Variants in TMPRSS4 observed in about 807,000 individuals in gnomAD.
TMPRSS4 encodes the protein transmembrane serine protease 4.
A neutral mutation model predicts 56.4 loss-of-function variants in TMPRSS4; 45 were observed. The ratio of observed to expected loss-of-function variants is 0.80; its 90% CI spans 0.63 to 1.02. TMPRSS4 has a LOEUF of 1.02. Among genes scored for constraint, TMPRSS4 ranks in the 50% least tolerant of loss-of-function variants. The probability of loss-of-function intolerance (pLI) is 0.00; values close to 1 mark genes in which losing one functional copy is unlikely to be tolerated. For missense variants in TMPRSS4, 546 were observed against 556.7 expected (o/e 0.98, Z 0.19); for synonymous variants, 205 against 211.0 (o/e 0.97, Z 0.25).
chr11:118,087,484 A>G (rs1356927518), intron 1 of TMPRSS4: 1 of 152,200 alleles, frequency 6.6e-6, no homozygotes, highest in Non-Finnish European at 1.5e-5. Flanking sequence ...GCAGTTCCCA[A>G]TTACCCAAAG....
intron 3 of TMPRSS4, among the ~76,000 whole-genome samples, chr11:118,102,473 C>T (rs917134885): frequency 2.0e-5 from 3 of 152,002 alleles, no homozygotes; most frequent in African/African-American, 4.8e-5. Context: ...TTTGGGAGGC[C>T]GAGGCGGGTG....
intron 7 of TMPRSS4, among the ~76,000 whole-genome samples, 199 bp downstream of exon 7, chr11:118,109,095 A>G (rs935684830): frequency 2.6e-5 from 4 of 152,164 alleles, no homozygotes; most frequent in Admixed American, 6.5e-5. Context: ...GGTCTTTCCA[A>G]GCCCCAGTTT....
chr11:118,120,922 C>T lies in TMPRSS4; in HGVS notation c.*3009C>T, dbSNP rs1347925407. Reference sequence around the variant, plus strand: ...CCAAGGTGGAAAAATTAGAATAAATCCACACCTATGTACATTATAATGAAA... The same window carrying T: ...CCAAGGTGGAAAAATTAGAATAAATTCACACCTATGTACATTATAATGAAA... On this transcript the variant is annotated 3_prime_UTR_variant, in exon 13 of 13. Coordinates refer to ENST00000437212, the MANE Select transcript of TMPRSS4 (RefSeq NM_019894.4). The T allele has an allele frequency of 6.6e-6, 1 of 152,156 alleles. No individual in the cohort carries two copies. Among genetic ancestry groups the T allele is most frequent in the Non-Finnish European group, 1.5e-5 (1 of 68,040 alleles). The allele number at this position is 152,156 out of a possible 1,614,324, so 9.4% of individuals were successfully genotyped here.
Position 118,119,875 on chromosome 11 carries a change from A to G in TMPRSS4, c.*1962A>G, listed in dbSNP as rs1947733163. ...TTAACTGTGGTCAAATGCACATAAC[A>G]CAAGTTGCCATCTTCACCATTTTTA... On this transcript the variant is annotated 3_prime_UTR_variant, in exon 13 of 13. Transcript: ENST00000437212. 1 of 152,260 alleles carries G rather than the reference A, an allele frequency of 6.6e-6. No individual in the cohort carries two copies. The highest frequency in any genetic ancestry group is 2.4e-5 in the African/African-American group (1 of 41,468). The allele number at this position is 152,260 out of a possible 1,614,324, so 9.4% of individuals were successfully genotyped here. A position where few individuals can be genotyped will look rare whatever the true frequency, so the allele number is the denominator to read the frequency against.
At chr11:118,102,436 G>C (rs117645554) in intron 3 of TMPRSS4, among the ~76,000 whole-genome samples, 1 of 152,204 alleles carries the variant, frequency 6.6e-6, no homozygotes, top group Non-Finnish European at 1.5e-5. Flanking sequence ...GGCCGAGTGC[G>C]GTGGCTCACG....
At chr11:118,089,344 G>T (rs1031755196) in intron 1 of TMPRSS4, among the ~76,000 whole-genome samples, 1 of 152,198 alleles carries the variant, frequency 6.6e-6, no homozygotes, top group Non-Finnish European at 1.5e-5. Context: ...GCAGAGCATG[G>T]TGAGGACATG....
intron 1 of TMPRSS4, among the ~76,000 whole-genome samples, chr11:118,086,441 G>T (rs1189092368): frequency 1.3e-5 from 2 of 152,264 alleles, no homozygotes; most frequent in African/African-American, 4.8e-5. Context: ...CAAGGCTGAG[G>T]TTAGACCCAA....
At chr11:118,108,518 A>T (rs1947112503) in intron 6 of TMPRSS4, 2 of 297,296 alleles carry the variant, frequency 6.7e-6, no homozygotes, top group Non-Finnish European at 1.2e-5. Context: ...TCAAAATCCC[A>T]TTCTTCCATT....
At chr11:118,087,069 A>G (rs541198345) in intron 1 of TMPRSS4, among the ~76,000 whole-genome samples, 68 of 152,176 alleles carry the variant, frequency 4.5e-4, no homozygotes, top group African/African-American at 1.5e-3. Context: ...CCAAGCCTCA[A>G]AGGACCTGTT....
rs752975925 is a variant in TMPRSS4 at position 118,094,854 on chromosome 11, C to T, written c.42C>T (p.Leu14=). ...DPDSDQPLNS[L]DVKPLRKPRI... ...ACAGTGATCAACCTCTGAACAGCCTCGGTAAGTTCAGGTCCGGCTTTCATT... is the reference window on the plus strand; with the variant it reads ...ACAGTGATCAACCTCTGAACAGCCTTGGTAAGTTCAGGTCCGGCTTTCATT... Residue 14 remains leucine, a splice_region_variant and synonymous_variant, in exon 2 of 13, where the codon CTC becomes CTT. Coordinates refer to ENST00000437212, the MANE Select transcript of TMPRSS4 (RefSeq NM_019894.4). The T allele has an allele frequency of 6.8e-6, 11 of 1,612,204 alleles. No homozygotes were observed. Among genetic ancestry groups the T allele is most frequent in the African/African-American group, 4.0e-5 (3 of 74,910 alleles).
At chr11:118,105,749 AACAG>A (rs1459769491) in intron 5 of TMPRSS4, 3 of 152,076 alleles carry the variant, frequency 2.0e-5, no homozygotes, top group Non-Finnish European at 2.9e-5. Context: ...TCAGGATTCT[AACAG>A]ACTGGACCCA....
In TMPRSS4 at chr11:118,118,001, T is replaced by G; in HGVS notation, c.*88T>G. 6.2e-7 allele frequency: 1 copy of G among 1,607,864 alleles called. No homozygotes were observed. Among genetic ancestry groups the G allele is most frequent in the Non-Finnish European group, 8.5e-7 (1 of 1,178,960 alleles). On this transcript the variant is annotated 3_prime_UTR_variant, in exon 13 of 13. Coordinates refer to ENST00000437212, the MANE Select transcript of TMPRSS4 (RefSeq NM_019894.4). The stretch of plus-strand genomic sequence containing the variant: ...CCCAAAGTCAGACACAGAGCAAGAG[T>G]CCCCTTGGGTACACCCCTCTGCCCA...
At chr11:118,102,121 G>A (rs1012336590) in intron 3 of TMPRSS4, among the ~76,000 whole-genome samples, 1 of 152,026 alleles carries the variant, frequency 6.6e-6, no homozygotes, top group Non-Finnish European at 1.5e-5. Flanking sequence ...ATAAAGCCCA[G>A]CAACCATTAG....
At chr11:118,083,100 C>T (rs1945281867) in intron 1 of TMPRSS4, among the ~76,000 whole-genome samples, 2 of 152,284 alleles carry the variant, frequency 1.3e-5, no homozygotes, top group Middle Eastern at 3.4e-3. Context: ...CAGGGGTGCT[C>T]AGAGCCCTTA....
intron 1 of TMPRSS4, among the ~76,000 whole-genome samples, chr11:118,083,632 T>C (rs1420552164): frequency 6.6e-6 from 1 of 152,200 alleles, no homozygotes; most frequent in Non-Finnish European, 1.5e-5. Flanking sequence ...CTAATAAAAA[T>C]AATAGAATAT....
chr11:118,104,912 T>A (rs11216756), intron 5 of TMPRSS4, 92 bp downstream of exon 5: 25,283 of 1,363,974 alleles, frequency 0.019, 1,358 homozygotes, highest in African/African-American at 0.16. Context: ...TTCCTAAAAA[T>A]TACGGGCATT....
At chr11:118,079,166 C>G (rs1359050974) in intron 1 of TMPRSS4, among the ~76,000 whole-genome samples, 1 of 152,116 alleles carries the variant, frequency 6.6e-6, no homozygotes, top group Non-Finnish European at 1.5e-5. Context: ...AAGTTTCTAG[C>G]CCCGGAGCTA....
intron 3 of TMPRSS4, among the ~76,000 whole-genome samples, chr11:118,101,931 C>T (rs1946739969): frequency 6.6e-6 from 1 of 152,166 alleles, no homozygotes; most frequent in African/African-American, 2.4e-5. Flanking sequence ...AGGACCAACC[C>T]CTTCACAGAT....
At chr11:118,090,821 A>AAAC (rs1945895008) in intron 1 of TMPRSS4, among the ~76,000 whole-genome samples, 12 of 140,428 alleles carry the variant, frequency 8.5e-5, no homozygotes, top group Middle Eastern at 3.5e-3. Flanking sequence ...CACACACACA[A>AAAC]ACACACACAC....
Sources: allele counts gnomAD v4.1 joint callset (sites outside exome capture counted in the v4.1 genomes callset), GRCh38; gene constraint gnomAD v4.1.1; transcripts MANE v1.5; gene names NCBI Gene and HGNC (gene_info 2026-07-23, HGNC 2026-07-21).